ZNF141: variants seen among roughly 807,000 people sequenced by gnomAD.
The protein encoded by ZNF141 is zinc finger protein 141 (clone pHZ-44).
ZNF141 carries 7 observed loss-of-function variants against 11.3 expected under a neutral mutation model. That is an observed-to-expected ratio of 0.62 (90% CI 0.35 to 1.16). The LOEUF is 1.16. Ranked by LOEUF, ZNF141 falls within the 50% of genes most tolerant of loss-of-function variation. The pLI is 0.02. For missense variants in ZNF141, 535 were observed against 554.0 expected, an observed-to-expected ratio of 0.97 and a Z score of 0.34; for synonymous variants, 183 against 190.7, an observed-to-expected ratio of 0.96 and a Z score of 0.33.
intron 3 of ZNF141, chr4:350,185 T>C: frequency 1.9e-6 from 1 of 534,810 alleles, no homozygotes; most frequent in Non-Finnish European, 3.8e-6. Flanking sequence ...CAGTGTGCCA[T>C]TTCCTTGTCT....
chr4:344,738 G>C (rs1721239089), intron 3 of ZNF141, among the ~76,000 whole-genome samples: 2 of 152,140 alleles, frequency 1.3e-5, no homozygotes, highest in Non-Finnish European at 2.9e-5. Context: ...AGGTTGCAGT[G>C]AGCCAAGATC....
intron 1 of ZNF141, chr4:338,365 C>CATA (rs782595029): frequency 8.8e-6 from 2 of 228,352 alleles, no homozygotes; most frequent in East Asian, 1.4e-4. Flanking sequence ...CCCATCAAAA[C>CATA]AGAGTTCATG....
At chr4:363,836 A>G (rs1365266297) in intron 3 of ZNF141, among the ~76,000 whole-genome samples, 1 of 151,998 alleles carries the variant, frequency 6.6e-6, no homozygotes, top group Non-Finnish European at 1.5e-5. Flanking sequence ...TTTGTCATAA[A>G]TAGCTCTTAT....
At position 376,619 on chromosome 4, in the gene ZNF141, C is replaced by T. The variant is rs1315683819; in HGVS notation, c.*2757C>T. Among the ~76,000 whole-genome samples, 1 of 152,032 alleles carries T rather than the reference C, an allele frequency of 6.6e-6. No homozygotes were observed. The highest frequency in any genetic ancestry group is 2.4e-5 in the African/African-American group (1 of 41,412). On this transcript the variant is annotated 3_prime_UTR_variant, in exon 4 of 4. Transcript: ENST00000240499. ...ATCTTTTCCTGCAAACTTATACAAA[C>T]TTTAGTTCCATTTACATGAAGTTAA...
Position 380,772 on chromosome 4 carries a change from C to T in ZNF141, c.*6910C>T, listed in dbSNP as rs1180402813. ...AATGACTTGCTCACAACACAGGCAA[C>T]TTTGACTCTAGAGATAACACTTATT... On this transcript the variant is annotated 3_prime_UTR_variant, in exon 4 of 4. Transcript: ENST00000240499. 6.6e-6 allele frequency among the ~76,000 whole-genome samples: 1 copy of T among 152,120 alleles called. No homozygotes were observed. The highest frequency in any genetic ancestry group is 2.4e-5 in the African/African-American group (1 of 41,416).
Position 372,848 on chromosome 4 carries a change from G to C in ZNF141, c.411G>C (p.Leu137Phe). 1 of 1,612,832 alleles carries C rather than the reference G, an allele frequency of 6.2e-7. No homozygotes were observed. Among genetic ancestry groups the C allele is most frequent in the Non-Finnish European group, 8.5e-7 (1 of 1,179,160 alleles). Residue 137 changes from leucine to phenylalanine, a missense_variant, in exon 4 of 4, where the codon TTG becomes TTC. By Grantham distance (22) the Leu-to-Phe change is conservative. Coordinates refer to ENST00000240499, the MANE Select transcript of ZNF141 (RefSeq NM_003441.4). ...GTTATAATGAATTTAATGAATGCTT[G>C]TCAACTACCCAGAGCAAAATACTTC... ...KGGYNEFNEC[L>F]STTQSKILQC...
chr4:339,908 A>G (rs1720970488), intron 1 of ZNF141, among the ~76,000 whole-genome samples: 1 of 152,200 alleles, frequency 6.6e-6, no homozygotes, highest in Non-Finnish European at 1.5e-5. Context: ...AATATTACCA[A>G]TTAGGAAACC....
At chr4:345,536 C>T (rs185125303) in intron 3 of ZNF141, among the ~76,000 whole-genome samples, 31 of 152,054 alleles carry the variant, frequency 2.0e-4, no homozygotes, top group Admixed American at 1.8e-3. Context: ...CAAGACTAGC[C>T]TGACTAACAT....
chr4:380,758 C>T lies in ZNF141; in HGVS notation c.*6896C>T, dbSNP rs1167964281. Among the ~76,000 whole-genome samples, 2 of 152,088 alleles carry T rather than the reference C, an allele frequency of 1.3e-5. No individual in the cohort carries two copies. Among genetic ancestry groups the T allele is most frequent in the African/African-American group, 4.8e-5 (2 of 41,394 alleles). ...CAGCCATAGAGAAAAATGACTTGCT[C>T]ACAACACAGGCAACTTTGACTCTAG... On this transcript the variant is annotated 3_prime_UTR_variant, in exon 4 of 4. Coordinates refer to ENST00000240499, the MANE Select transcript of ZNF141 (RefSeq NM_003441.4).
Position 383,271 on chromosome 4 carries a change from G to A in ZNF141, c.*9409G>A, listed in dbSNP as rs574937187. The A allele has an allele frequency of 4.7e-5, 30 of 633,716 alleles. No individual in the cohort carries two copies. Among genetic ancestry groups the A allele is most frequent in the East Asian group, 2.7e-4 (10 of 36,500 alleles). 39.3% of individuals were successfully genotyped at this position (633,716 alleles called of 1,614,324 possible). A position where few individuals can be genotyped will look rare whatever the true frequency, so the allele number is the denominator to read the frequency against. The stretch of plus-strand genomic sequence containing the variant: ...CAAACTGAGCCCAGAAGAATGGCCC[G>A]GCTGAGCCCAGCCTAAATTTCTAAC... On this transcript the variant is annotated 3_prime_UTR_variant, in exon 4 of 4. Transcript: ENST00000240499.
chr4:361,812 A>G lies in ZNF141; in HGVS notation c.227-10852A>G, dbSNP rs1374317157. ...TTTGCGTTGGTTCCAAGTCTTTGCT[A>G]TTGTGAATAGTGCCGCAGTAAACAT... On this transcript the variant is annotated intron_variant, in intron 3 of 3. Transcript: ENST00000240499. 2.0e-5 allele frequency among the ~76,000 whole-genome samples: 3 copies of G among 152,126 alleles called. No homozygotes were observed. In the East Asian group the frequency reaches 5.8e-4, roughly 29 times the overall value.
At chr4:353,460 A>AT (rs1203936122) in intron 3 of ZNF141, among the ~76,000 whole-genome samples, 3,074 of 122,520 alleles carry the variant, frequency 0.025, 47 homozygotes, top group Middle Eastern at 0.066. Flanking sequence ...TATTATTATT[A>AT]TTATTATTTT....
Position 373,171 on chromosome 4 carries a change from A to G in ZNF141, c.734A>G (p.His245Arg), listed in dbSNP as rs782084277. The G allele has an allele frequency of 6.2e-7, 1 of 1,614,034 alleles. No homozygotes were observed. Among genetic ancestry groups the G allele is most frequent in the African/African-American group, 1.3e-5 (1 of 74,948 alleles). Residue 245 changes from histidine (H) to arginine (R), a missense_variant, in exon 4 of 4, where the codon CAT becomes CGT. Transcript: ENST00000240499. ...IFTTSSHFAK[H>R]KIIHTGEKPY... ...ACCACATCCTCACACTTTGCTAAGC[A>G]TAAAATAATTCATACTGGAGAAAAA...
chr4:344,306 A>G, intron 2 of ZNF141, 29 bp from the exon 3 acceptor site: 4 of 1,576,222 alleles, frequency 2.5e-6, no homozygotes, highest in Non-Finnish European at 2.6e-6. Context: ...ATCAATAGTC[A>G]TGTTATTATT....
Position 383,898 on chromosome 4 carries a change from C to A in ZNF141, c.*10036C>A, listed in dbSNP as rs1553856038. The A allele has an allele frequency of 6.6e-6, 1 of 152,262 alleles. No individual in the cohort carries two copies. Among genetic ancestry groups the A allele is most frequent in the Non-Finnish European group, 1.5e-5 (1 of 68,070 alleles). The allele number at this position is 152,262 out of a possible 1,614,324, so 9.4% of individuals were successfully genotyped here. A position where few individuals can be genotyped will look rare whatever the true frequency, so the allele number is the denominator to read the frequency against. On this transcript the variant is annotated 3_prime_UTR_variant, in exon 4 of 4. Coordinates refer to ENST00000240499, the MANE Select transcript of ZNF141 (RefSeq NM_003441.4). ...ACCCAGAAAACATTGTAACCGGGTC[C>A]TTGGGCGGCTTGCTGGGGCTCACAC...
intron 3 of ZNF141, among the ~76,000 whole-genome samples, chr4:362,514 C>T (rs534585963): frequency 3.5e-4 from 53 of 152,260 alleles, no homozygotes; most frequent in South Asian, 2.9e-3. Context: ...GGTTATAGGT[C>T]TAACATTTAA....
At chr4:360,250 A>G (rs535504788) in intron 3 of ZNF141, among the ~76,000 whole-genome samples, 1 of 152,332 alleles carries the variant, frequency 6.6e-6, no homozygotes, top group African/African-American at 2.4e-5. Context: ...CCATCTTGCT[A>G]TGCCATATGT....
At chr4:348,728 C>CA (rs200772158) in intron 3 of ZNF141, among the ~76,000 whole-genome samples, 1,977 of 85,566 alleles carry the variant, frequency 0.023, 30 homozygotes, top group African/African-American at 0.066. Context: ...GACTCCATCT[C>CA]AAAAAAAAAA....
At chr4:352,261 C>T (rs986775755) in intron 3 of ZNF141, among the ~76,000 whole-genome samples, 1 of 152,120 alleles carries the variant, frequency 6.6e-6, no homozygotes, top group Non-Finnish European at 1.5e-5. Context: ...GTGGTGGGCA[C>T]CTGTAGTCCC....
Sources: gnomAD v4.1 joint callset for allele counts (sites outside exome capture counted in the v4.1 genomes callset) on GRCh38, gnomAD v4.1.1 for gene constraint, MANE v1.5 for transcripts, NCBI Gene and HGNC (gene_info 2026-07-23, HGNC 2026-07-21) for gene names.